The following COL25A1 variants were observed in gnomAD, a reference collection of about 807,000 sequenced individuals.
COL25A1 encodes collagen alpha-1(XXV) chain.
In COL25A1, 103 loss-of-function variants were observed where a neutral mutation model predicts 128.4. The observed-to-expected ratio is 0.80, with a 90% CI of 0.68 to 0.94. The LOEUF (loss-of-function observed/expected upper bound fraction) is 0.94. Among genes scored for constraint, COL25A1 ranks in the 40% least tolerant of loss-of-function variants. COL25A1 has a pLI of 0.00. For synonymous variants in COL25A1, 279 were observed against 277.2 expected (o/e 1.01, Z -0.06); for missense variants, 745 against 840.0 (o/e 0.89, Z 1.40).
intron 3 of COL25A1, among the ~76,000 whole-genome samples, chr4:109,126,814 G>A (rs1163758114): frequency 6.6e-6 from 1 of 150,702 alleles, no homozygotes; most frequent in Non-Finnish European, 1.5e-5. Flanking sequence ...GAAGACCTAC[G>A]AGTTAATGGG....
At chr4:109,191,755 A>C (rs1446763044) in intron 3 of COL25A1, among the ~76,000 whole-genome samples, 9 of 152,332 alleles carry the variant, frequency 5.9e-5, no homozygotes, top group African/African-American at 2.2e-4. Flanking sequence ...TGAATCTCTA[A>C]GTAAGACAGC....
intron 14 of COL25A1, among the ~76,000 whole-genome samples, chr4:108,899,891 T>A (rs1419244254): frequency 6.6e-6 from 1 of 152,132 alleles, no homozygotes; most frequent in African/African-American, 2.4e-5. Context: ...AATCTCATTT[T>A]CACTTTACCC....
At chr4:109,026,740 A>T (rs956753587) in intron 5 of COL25A1, among the ~76,000 whole-genome samples, 1 of 152,198 alleles carries the variant, frequency 6.6e-6, no homozygotes, top group Non-Finnish European at 1.5e-5. Flanking sequence ...TTGTGGTAAG[A>T]TGGGAGGTAC....
At chr4:109,008,564 T>G (rs1756263271) in intron 6 of COL25A1, among the ~76,000 whole-genome samples, 1 of 152,158 alleles carries the variant, frequency 6.6e-6, no homozygotes, top group East Asian at 1.9e-4. Context: ...TGTTAAAGAT[T>G]ACAATCTCTC....
chr4:108,859,052 T>A (rs1015328473), intron 24 of COL25A1, among the ~76,000 whole-genome samples: 20 of 152,310 alleles, frequency 1.3e-4, no homozygotes, highest in African/African-American at 4.6e-4. Context: ...ACAAGCCACA[T>A]AGTCTATTGC....
At chr4:108,848,528 G>A (rs560098785) in intron 27 of COL25A1, among the ~76,000 whole-genome samples, 75 of 152,086 alleles carry the variant, frequency 4.9e-4, no homozygotes, top group Non-Finnish European at 8.7e-4. Context: ...GGGAGTCACT[G>A]GTAGGTTGAT....
At chr4:109,184,623 G>C (rs1774974424) in intron 3 of COL25A1, among the ~76,000 whole-genome samples, 1 of 152,166 alleles carries the variant, frequency 6.6e-6, no homozygotes, top group Admixed American at 6.5e-5. Flanking sequence ...AAGTTAATCA[G>C]AGTTCTATTT....
intron 20 of COL25A1, among the ~76,000 whole-genome samples, chr4:108,866,039 A>G (rs778881539): frequency 6.6e-6 from 1 of 152,182 alleles, no homozygotes; most frequent in Non-Finnish European, 1.5e-5. Flanking sequence ...TCCACACTAC[A>G]ATGTAAGCTT....
intron 3 of COL25A1, among the ~76,000 whole-genome samples, chr4:109,105,102 G>A (rs1369130026): frequency 6.6e-6 from 1 of 152,150 alleles, no homozygotes; most frequent in Non-Finnish European, 1.5e-5. Flanking sequence ...GATCACTGTG[G>A]AGGCTAGTTG....
intron 5 of COL25A1, among the ~76,000 whole-genome samples, chr4:109,016,070 G>T (rs917007019): frequency 6.6e-6 from 1 of 152,178 alleles, no homozygotes; most frequent in Non-Finnish European, 1.5e-5. Flanking sequence ...CCCAGTCATG[G>T]CTCCAGACCC....
chr4:109,161,642 T>C (rs1312766474), intron 3 of COL25A1, among the ~76,000 whole-genome samples: 1 of 152,240 alleles, frequency 6.6e-6, no homozygotes, highest in Admixed American at 6.5e-5. Flanking sequence ...CTTTGTTTTA[T>C]ATAACAAAGT....
intron 13 of COL25A1, 98 bp from the exon 14 acceptor site, chr4:108,901,270 A>G (rs1431195104): frequency 3.5e-6 from 3 of 848,982 alleles, no homozygotes; most frequent in Non-Finnish European, 5.8e-6. Flanking sequence ...TTCTCTAGAA[A>G]TAGATAAAGA....
intron 3 of COL25A1, among the ~76,000 whole-genome samples, chr4:109,242,938 T>C (rs978281805): frequency 1.3e-5 from 2 of 152,082 alleles, no homozygotes; most frequent in Non-Finnish European, 2.9e-5. Flanking sequence ...TCTACTCTTT[T>C]AGCAATTTCT....
At chr4:108,972,655 A>C (rs1169703406) in intron 8 of COL25A1, among the ~76,000 whole-genome samples, 1 of 152,160 alleles carries the variant, frequency 6.6e-6, no homozygotes, top group Non-Finnish European at 1.5e-5. Flanking sequence ...ACAAAGCAAA[A>C]TACAGAGGAA....
chr4:109,056,768 T>C lies in COL25A1; in HGVS notation c.368-6589A>G, dbSNP rs10516555. Among the ~76,000 whole-genome samples the C allele has an allele frequency of 7.3e-3, 1,117 of 152,270 alleles. 40 individuals are homozygous for C. In the East Asian group the frequency reaches 0.11, roughly 15 times the overall value. ...TTTAAATGCAAAATGTAATGTTCCT[T>C]GGTGTAGTAGCCAGTGCTTTAGAAG... On this transcript the variant is annotated intron_variant, in intron 3 of 37. Transcript: ENST00000399132.
chr4:108,966,930 GAGAA>G (rs928804533), intron 8 of COL25A1, among the ~76,000 whole-genome samples: 1 of 93,486 alleles, frequency 1.1e-5, no homozygotes, highest in African/African-American at 3.2e-5. Flanking sequence ...GAGAAAAAGA[GAGAA>G]AGAAAGAGAG....
chr4:109,181,119 T>C (rs1313327971), intron 3 of COL25A1, among the ~76,000 whole-genome samples: 1 of 152,186 alleles, frequency 6.6e-6, no homozygotes, highest in Admixed American at 6.5e-5. Flanking sequence ...AAACACATTT[T>C]TAAAGCTTTT....
intron 3 of COL25A1, among the ~76,000 whole-genome samples, chr4:109,110,317 G>A (rs767830010): frequency 1.3e-5 from 2 of 152,068 alleles, no homozygotes; most frequent in Admixed American, 6.6e-5. Flanking sequence ...GAGTGCTTAC[G>A]TTCTTAGCAT....
At chr4:109,046,458 T>A (rs1006608518) in intron 5 of COL25A1, among the ~76,000 whole-genome samples, 11 of 152,168 alleles carry the variant, frequency 7.2e-5, no homozygotes, top group African/African-American at 2.4e-4. Flanking sequence ...TTGCCATAGC[T>A]AATGTGGATT....
Sources: gnomAD v4.1 joint callset for allele counts (sites outside exome capture counted in the v4.1 genomes callset) on GRCh38, gnomAD v4.1.1 for gene constraint, MANE v1.5 for transcripts, NCBI Gene and HGNC (gene_info 2026-07-23, HGNC 2026-07-21) for gene names.